CFAP96: variants seen among roughly 807,000 people sequenced by gnomAD.
CFAP96 encodes cilia-and flagella-associated protein 96.
the CFAP96 span, among the ~76,000 whole-genome samples, chr4:185,445,872 G>A: frequency 1.3e-5 from 2 of 151,804 alleles, no homozygotes; most frequent in Admixed American, 6.5e-5. Flanking sequence ...ACGGAGTTTC[G>A]CTCTTATTGC....
At chr4:185,443,342 A>ATATATATATATATATTTTTT in the CFAP96 span, among the ~76,000 whole-genome samples, 6 of 26,726 alleles carry the variant, frequency 2.2e-4, no homozygotes, top group Non-Finnish European at 2.9e-4. Context: ...ATATATATAT[A>ATATATATATATATATTTTTT]TTTTTTTTTT....
chr4:185,423,138 C>T, the CFAP96 span, among the ~76,000 whole-genome samples: 1 of 152,200 alleles, frequency 6.6e-6, no homozygotes, highest in Non-Finnish European at 1.5e-5. Context: ...GGATTGCAGG[C>T]GTGAGCCACC....
chr4:185,414,588 C>T, the CFAP96 span, among the ~76,000 whole-genome samples: 7,345 of 152,162 alleles, frequency 0.048, 219 homozygotes, highest in South Asian at 0.083. Context: ...AGATGCTCCA[C>T]GGTCTAATTT....
At chr4:185,415,666 G>A in the CFAP96 span, 2 of 1,540,598 alleles carry the variant, frequency 1.3e-6, no homozygotes, top group Non-Finnish European at 1.8e-6. Flanking sequence ...GTTTGGGGAA[G>A]GGCCCTCATT....
the CFAP96 span, among the ~76,000 whole-genome samples, chr4:185,408,976 A>G: frequency 6.6e-6 from 1 of 152,130 alleles, no homozygotes; most frequent in Non-Finnish European, 1.5e-5. Context: ...TAAATGATAC[A>G]TTACTTATCA....
chr4:185,431,952 A>G, the CFAP96 span: 1 of 1,498,120 alleles, frequency 6.7e-7, no homozygotes, highest in Admixed American at 2.2e-5. Flanking sequence ...GTCAGCTCAA[A>G]ATTATAATAT....
chr4:185,439,779 C>A, the CFAP96 span, among the ~76,000 whole-genome samples: 2 of 134,636 alleles, frequency 1.5e-5, no homozygotes, highest in African/African-American at 2.7e-5. Flanking sequence ...GTATCTATAT[C>A]TCATATATAT....
chr4:185,446,874 G>A, the CFAP96 span, among the ~76,000 whole-genome samples: 1 of 152,152 alleles, frequency 6.6e-6, no homozygotes, highest in Non-Finnish European at 1.5e-5. Context: ...AAAACCTGAA[G>A]TTCCTTTGTA....
chr4:185,417,529 C>G, the CFAP96 span, among the ~76,000 whole-genome samples: 8 of 152,180 alleles, frequency 5.3e-5, no homozygotes, highest in Admixed American at 6.5e-5. Flanking sequence ...TCCCTCTTCT[C>G]TATTTCCATA....
chr4:185,442,538 T>C, the CFAP96 span, among the ~76,000 whole-genome samples: 4 of 152,176 alleles, frequency 2.6e-5, no homozygotes, highest in Non-Finnish European at 5.9e-5. Flanking sequence ...AATGGTTATT[T>C]TCTTGACTTT....
At chr4:185,439,781 CAT>C in the CFAP96 span, among the ~76,000 whole-genome samples, 5 of 130,122 alleles carry the variant, frequency 3.8e-5, no homozygotes, top group East Asian at 6.7e-4. Context: ...ATCTATATCT[CAT>C]ATATATGTAT....
At chr4:185,429,136 G>A in the CFAP96 span, among the ~76,000 whole-genome samples, 15 of 152,148 alleles carry the variant, frequency 9.9e-5, no homozygotes, top group Admixed American at 6.5e-4. Flanking sequence ...GGAGAGTCAA[G>A]GGGGAGGGCT....
At chr4:185,448,870 TGGAACAG>T in the CFAP96 span, among the ~76,000 whole-genome samples, 1 of 140,062 alleles carries the variant, frequency 7.1e-6, no homozygotes, top group Non-Finnish European at 1.5e-5. Context: ...GTTAGAACTT[TGGAACAG>T]GGAGAAAGAG....
At chr4:185,426,105 T>C in the CFAP96 span, 7 of 584,698 alleles carry the variant, frequency 1.2e-5, no homozygotes, top group South Asian at 1.0e-4. Context: ...TTAAGTCTTT[T>C]CTGTCCTACA....
chr4:185,443,104 C>G, the CFAP96 span, among the ~76,000 whole-genome samples: 805 of 151,770 alleles, frequency 5.3e-3, 10 homozygotes, highest in African/African-American at 0.019. Context: ...GAAATATCAG[C>G]TTTTTGAAGA....
the CFAP96 span, among the ~76,000 whole-genome samples, chr4:185,447,205 G>A: frequency 1.0e-4 from 15 of 149,860 alleles, no homozygotes; most frequent in Admixed American, 4.0e-4. Context: ...TTTTTGAGAC[G>A]GAGTCTCACT....
At chr4:185,440,448 CATATTT>C in the CFAP96 span, 1 of 778,420 alleles carries the variant, frequency 1.3e-6, no homozygotes, top group Non-Finnish European at 2.0e-6. Flanking sequence ...ATTTAAGAAT[CATATTT>C]ATATTAAAAT....
chr4:185,408,476 A>C, the CFAP96 span: 6 of 1,576,222 alleles, frequency 3.8e-6, no homozygotes, highest in Middle Eastern at 1.7e-4. Flanking sequence ...TTAACTTAGG[A>C]TAGAAGTACA....
chr4:185,413,816 A>G, the CFAP96 span: 26 of 1,613,468 alleles, frequency 1.6e-5, no homozygotes, highest in Non-Finnish European at 2.2e-5. Context: ...AGTGATAAGC[A>G]TTAGACCTTT....
Sources: gnomAD v4.1 joint callset for allele counts (sites outside exome capture counted in the v4.1 genomes callset) on GRCh38, gnomAD v4.1.1 for gene constraint, MANE v1.5 for transcripts, NCBI Gene and HGNC (gene_info 2026-07-23, HGNC 2026-07-21) for gene names.